OSBPL9: variants seen among roughly 807,000 people sequenced by gnomAD.
OSBPL9 encodes the protein oxysterol-binding protein-related protein 9.
In OSBPL9, 40 loss-of-function variants were observed where a neutral mutation model predicts 106.6. The ratio of observed to expected loss-of-function variants is 0.38; its 90% CI spans 0.29 to 0.49. The LOEUF (loss-of-function observed/expected upper bound fraction) is 0.49. Among genes scored for constraint, OSBPL9 ranks in the 20% least tolerant of loss-of-function variants. The probability of loss-of-function intolerance (pLI) is 0.97; values close to 1 mark genes in which losing one functional copy is unlikely to be tolerated. For synonymous variants in OSBPL9, 269 were observed against 295.4 expected, an observed-to-expected ratio of 0.91 and a Z score of 0.92; for missense variants, 609 against 887.2, an observed-to-expected ratio of 0.69 and a Z score of 3.98.
At chr1:51,724,600 A>G (rs1287394946) in intron 4 of OSBPL9, among the ~76,000 whole-genome samples, 5 of 152,148 alleles carry the variant, frequency 3.3e-5, no homozygotes, top group East Asian at 1.9e-4. Flanking sequence ...TCTTGCTTAC[A>G]TAGTTTCTGA....
At chr1:51,544,771 A>C in the OSBPL9 span, among the ~76,000 whole-genome samples, 19 of 152,042 alleles carry the variant, frequency 1.2e-4, no homozygotes, top group African/African-American at 4.3e-4. Context: ...AAATGTAAAA[A>C]AGTGAATCTC....
At chr1:51,706,821 T>G (rs960789023) in intron 3 of OSBPL9, among the ~76,000 whole-genome samples, 2 of 152,106 alleles carry the variant, frequency 1.3e-5, no homozygotes, top group African/African-American at 2.4e-5. Context: ...TGCAGATATT[T>G]TTTCCTGACC....
In OSBPL9 at chr1:51,729,791, G is replaced by T; in HGVS notation, c.318+15712G>T. 8.1e-7 allele frequency: 1 copy of T among 1,231,752 alleles called. No individual in the cohort carries two copies. Among genetic ancestry groups the T allele is most frequent in the Non-Finnish European group, 1.0e-6 (1 of 980,004 alleles). 76.3% of individuals were successfully genotyped at this position (1,231,752 alleles called of 1,614,324 possible). On this transcript the variant is annotated intron_variant, in intron 4 of 23. Coordinates refer to ENST00000428468, the MANE Select transcript of OSBPL9 (RefSeq NM_024586.6). The surrounding 1 kb of genome is among the most constrained non-coding windows in gnomAD (Gnocchi z 5.1). ...ATCGGGGCGACCCCTCCGCCGGGGA[G>T]GGGACGGGAAAGGGGTGGGGGGTGA...
chr1:51,635,527 A>C (rs907824551), intron 1 of OSBPL9, among the ~76,000 whole-genome samples: 1 of 152,098 alleles, frequency 6.6e-6, no homozygotes, highest in Non-Finnish European at 1.5e-5. Flanking sequence ...CCAAAGAAGT[A>C]TATTTTGGGG....
At chr1:51,639,209 T>C (rs1338553433) in intron 1 of OSBPL9, among the ~76,000 whole-genome samples, 3 of 152,190 alleles carry the variant, frequency 2.0e-5, no homozygotes, top group African/African-American at 7.2e-5. Context: ...TCCTGTCCCT[T>C]TCCTGTCTGT....
At chr1:51,526,213 A>G in the OSBPL9 span, among the ~76,000 whole-genome samples, 1 of 152,174 alleles carries the variant, frequency 6.6e-6, no homozygotes, top group South Asian at 2.1e-4. Flanking sequence ...AGATCTTATT[A>G]TTTTCCTGGT....
intron 20 of OSBPL9, 79 bp from the exon 21 acceptor site, chr1:51,785,729 G>C: frequency 1.6e-6 from 2 of 1,226,700 alleles, no homozygotes; most frequent in Non-Finnish European, 2.4e-6. Flanking sequence ...GCTCTACTCT[G>C]TAGTTGGGCC....
chr1:51,589,363 A>G (rs1004748467), intron 1 of OSBPL9, among the ~76,000 whole-genome samples: 10 of 152,226 alleles, frequency 6.6e-5, no homozygotes, highest in Non-Finnish European at 5.9e-5. Flanking sequence ...TGCTGGGATT[A>G]CAGGCGTGAG....
chr1:51,783,473 A>T (rs1351836551), intron 17 of OSBPL9, among the ~76,000 whole-genome samples: 1 of 151,326 alleles, frequency 6.6e-6, no homozygotes, highest in East Asian at 1.9e-4. Flanking sequence ...GGCGTTAGCC[A>T]CTGAGCCCAG....
intron 2 of OSBPL9, among the ~76,000 whole-genome samples, chr1:51,610,872 T>A (rs979237896): frequency 1.3e-5 from 2 of 152,116 alleles, no homozygotes; most frequent in Admixed American, 1.3e-4. Flanking sequence ...TATGACTGAG[T>A]CCTCAAAGAA....
chr1:51,520,057 T>A, the OSBPL9 span, among the ~76,000 whole-genome samples: 1 of 152,236 alleles, frequency 6.6e-6, no homozygotes, highest in Non-Finnish European at 1.5e-5. Context: ...CTTTGCAAAG[T>A]ATCTTTTTCT....
In OSBPL9 at chr1:51,784,289, T is replaced by G. The variant is rs749347081; in HGVS notation, c.1650T>G (p.Asp550Glu). 3 of 1,613,964 alleles carry G rather than the reference T, an allele frequency of 1.9e-6. No individual in the cohort carries two copies. The East Asian group carries it at 6.7e-5, about 36-fold the overall frequency. The stretch of plus-strand genomic sequence containing the variant: ...GCTGTGTCTCATGTCTAGACTATGA[T>G]GAACATTACATTCTCACATTCCCCA... ...GQGCVSCLDY[D>E]EHYILTFPNG... Residue 550 changes from aspartate (D) to glutamate (E), a missense_variant, in exon 19 of 24, where the codon GAT becomes GAG. Asp to Glu is a conservative substitution (Grantham distance 45). Transcript: ENST00000428468.
chr1:51,705,376 CATATATATAT>C (rs202075577), intron 3 of OSBPL9, among the ~76,000 whole-genome samples: 15 of 41,668 alleles, frequency 3.6e-4, no homozygotes, highest in Admixed American at 8.2e-4. Context: ...TAGGGTGTTT[CATATATATAT>C]ATATATATAT....
At chr1:51,611,540 G>A (rs1643987987) in intron 2 of OSBPL9, among the ~76,000 whole-genome samples, 1 of 152,148 alleles carries the variant, frequency 6.6e-6, no homozygotes, top group Admixed American at 6.5e-5. Flanking sequence ...GAAGTAATTT[G>A]TACCTACACT....
At chr1:51,771,264 C>T (rs1432179692) in intron 12 of OSBPL9, among the ~76,000 whole-genome samples, 5 of 152,118 alleles carry the variant, frequency 3.3e-5, no homozygotes, top group African/African-American at 9.7e-5. Context: ...ATATCTAAAG[C>T]GTGAGAAATT....
chr1:51,786,445 G>A, intron 21 of OSBPL9, 81 bp from the exon 22 acceptor site: 1 of 860,404 alleles, frequency 1.2e-6, no homozygotes, highest in South Asian at 1.6e-5. Flanking sequence ...AGAATTTGAA[G>A]TGTCAAAAGC....
intron 3 of OSBPL9, among the ~76,000 whole-genome samples, chr1:51,711,248 G>A (rs557178983): frequency 2.1e-3 from 319 of 150,894 alleles, no homozygotes; most frequent in Middle Eastern, 6.9e-3. Context: ...GGTGGTGGCC[G>A]GGCAGAGGGG....
intron 3 of OSBPL9, among the ~76,000 whole-genome samples, chr1:51,675,108 G>A (rs59544802): frequency 0.12 from 18,902 of 152,110 alleles, 1,301 homozygotes; most frequent in Middle Eastern, 0.22. Flanking sequence ...ATGTACTGAT[G>A]TTGGCACAGT....
At chr1:51,734,913 T>C (rs1665310206) in intron 4 of OSBPL9, among the ~76,000 whole-genome samples, 1 of 152,248 alleles carries the variant, frequency 6.6e-6, no homozygotes, top group South Asian at 2.1e-4. Context: ...CCAAAAAATA[T>C]ACATTCTTCT....
Sources: gnomAD v4.1 joint callset for allele counts (sites outside exome capture counted in the v4.1 genomes callset) on GRCh38, gnomAD v4.1.1 for gene constraint, Gnocchi (gnomAD v3.1) non-coding constraint, MANE v1.5 for transcripts, NCBI Gene and HGNC (gene_info 2026-07-23, HGNC 2026-07-21) for gene names.